Variants in SUFU observed in about 807,000 individuals in gnomAD.
The protein encoded by SUFU is suppressor of fused homolog.
Under a neutral mutation model 58.9 loss-of-function variants are expected in SUFU, and 7 were observed. The ratio of observed to expected loss-of-function variants is 0.12; its 90% CI spans 0.07 to 0.22. SUFU has a LOEUF of 0.22. Ranked by LOEUF, SUFU falls within the 10% of genes least tolerant of loss-of-function variation. The probability of loss-of-function intolerance (pLI) is 1.00; values close to 1 mark genes in which losing one functional copy is unlikely to be tolerated. For synonymous variants in SUFU, 232 were observed against 254.8 expected, an observed-to-expected ratio of 0.91 and a Z score of 0.85; for missense variants, 451 against 641.3, an observed-to-expected ratio of 0.70 and a Z score of 3.20.
chr10:102,555,843 C>T (rs2062969933), intron 3 of SUFU, among the ~76,000 whole-genome samples: 1 of 152,188 alleles, frequency 6.6e-6, no homozygotes, highest in Admixed American at 6.5e-5. Flanking sequence ...ACAAGAGTTA[C>T]ATGCATATGT....
chr10:102,575,898 C>T (rs146107086), intron 3 of SUFU, among the ~76,000 whole-genome samples: 38 of 152,092 alleles, frequency 2.5e-4, no homozygotes, highest in African/African-American at 8.9e-4. Context: ...AGTGCAGAGG[C>T]GTGATCTTGG....
At chr10:102,536,113 C>T (rs996173495) in intron 2 of SUFU, among the ~76,000 whole-genome samples, 2 of 152,032 alleles carry the variant, frequency 1.3e-5, no homozygotes, top group South Asian at 2.1e-4. Flanking sequence ...GGACTACAGG[C>T]GCCCACCAAC....
chr10:102,511,722 G>T (rs1241169861), intron 2 of SUFU, among the ~76,000 whole-genome samples: 2 of 151,776 alleles, frequency 1.3e-5, no homozygotes, highest in Admixed American at 6.6e-5. Context: ...TTTTTGTTTT[G>T]TTTTTTGAGA....
intron 1 of SUFU, among the ~76,000 whole-genome samples, chr10:102,504,876 G>T (rs1455779560): frequency 1.3e-5 from 2 of 152,040 alleles, no homozygotes; most frequent in Non-Finnish European, 2.9e-5. Context: ...GAGAGAGGAG[G>T]AGGTCTCCTT....
intron 3 of SUFU, among the ~76,000 whole-genome samples, chr10:102,568,864 A>C (rs2063120861): frequency 9.1e-6 from 1 of 110,342 alleles, no homozygotes. Flanking sequence ...ACAAGAGCAA[A>C]ACTCTGTCTC....
chr10:102,558,668 TGGA>T (rs2135766392), intron 3 of SUFU, among the ~76,000 whole-genome samples: 1 of 152,254 alleles, frequency 6.6e-6, no homozygotes, highest in South Asian at 2.1e-4. Context: ...TCCAAGCACA[TGGA>T]ATAGGAGGGA....
At chr10:102,593,525 T>A in intron 4 of SUFU, 111 bp from the exon 5 acceptor site, 2 of 1,059,952 alleles carry the variant, frequency 1.9e-6, no homozygotes, top group Non-Finnish European at 3.0e-6. Context: ...TGAGCACAGA[T>A]CCTGCCTGTG....
At chr10:102,613,666 G>A (rs1426741149) in intron 8 of SUFU, among the ~76,000 whole-genome samples, 1 of 152,222 alleles carries the variant, frequency 6.6e-6, no homozygotes, top group Non-Finnish European at 1.5e-5. Context: ...GGACACTTGG[G>A]GAATTGTTCT....
rs1188095530 is a variant in SUFU, at chr10:102,632,470, C to T, written c.*2315C>T. ...GCAGGACAGGGTATCACACATTTCT[C>T]ACCAGGCCTCCTTTCCTATGGGCAT... On this transcript the variant is annotated 3_prime_UTR_variant, in exon 12 of 12. Transcript: ENST00000369902. The T allele has an allele frequency of 1.3e-5, 3 of 233,238 alleles. No homozygotes were observed. The highest frequency in any genetic ancestry group is 2.2e-5 in the African/African-American group (1 of 45,348). 14.4% of individuals were successfully genotyped at this position (233,238 alleles called of 1,614,324 possible). A position where few individuals can be genotyped will look rare whatever the true frequency, so the allele number is the denominator to read the frequency against.
At chr10:102,592,034 T>A (rs2063407760) in intron 3 of SUFU, among the ~76,000 whole-genome samples, 1 of 152,200 alleles carries the variant, frequency 6.6e-6, no homozygotes, top group Non-Finnish European at 1.5e-5. Context: ...TGAAGCCTAG[T>A]GTTCCTCAGG....
At chr10:102,580,027 G>T (rs866471180) in intron 3 of SUFU, among the ~76,000 whole-genome samples, 2 of 41,954 alleles carry the variant, frequency 4.8e-5, no homozygotes, top group Non-Finnish European at 4.9e-5. Context: ...CTCCTCCCCC[G>T]CACCCCCCCC....
chr10:102,568,130 T>C (rs1030809551), intron 3 of SUFU, among the ~76,000 whole-genome samples: 1 of 151,448 alleles, frequency 6.6e-6, no homozygotes, highest in African/African-American at 2.4e-5. Flanking sequence ...AAAAGGACAT[T>C]AAAAAAATCC....
intron 3 of SUFU, among the ~76,000 whole-genome samples, chr10:102,576,979 G>A (rs2063218034): frequency 6.6e-6 from 1 of 152,020 alleles, no homozygotes; most frequent in East Asian, 1.9e-4. Context: ...GGGATTGCAG[G>A]TGTGAATCAC....
chr10:102,540,281 C>A (rs1236470335), intron 2 of SUFU, among the ~76,000 whole-genome samples: 1 of 152,156 alleles, frequency 6.6e-6, no homozygotes, highest in Non-Finnish European at 1.5e-5. Flanking sequence ...TGCACATATA[C>A]ACATACCACT....
In SUFU at chr10:102,631,661, A is replaced by G. The variant is rs2063838258; in HGVS notation, c.*1506A>G. Reference sequence around the variant, plus strand: ...TGCCACAGGAGTGCCCACAGGGTGCAGGACTCCACTGATGAGAGATCCAGC... The same window carrying G: ...TGCCACAGGAGTGCCCACAGGGTGCGGGACTCCACTGATGAGAGATCCAGC... On this transcript the variant is annotated 3_prime_UTR_variant, in exon 12 of 12. Coordinates refer to ENST00000369902, the MANE Select transcript of SUFU (RefSeq NM_016169.4). 4 of 233,296 alleles carry G rather than the reference A, an allele frequency of 1.7e-5. No homozygotes were observed. Among genetic ancestry groups the G allele is most frequent in the Non-Finnish European group, 3.4e-5 (4 of 118,164 alleles). 14.5% of individuals were successfully genotyped at this position (233,296 alleles called of 1,614,324 possible).
chr10:102,632,916 C>G lies in SUFU; in HGVS notation c.*2761C>G, dbSNP rs921325792. ...GGTTTGGGAGGCTTGTGCGAGGTCT[C>G]AGGCCTGTGTGGGGAGCTGGTGCCT... is the stretch of plus-strand genomic sequence containing the variant. On this transcript the variant is annotated 3_prime_UTR_variant, in exon 12 of 12. Transcript: ENST00000369902. 4.3e-6 allele frequency: 1 copy of G among 233,626 alleles called. No homozygotes were observed. The highest frequency in any genetic ancestry group is 8.5e-6 in the Non-Finnish European group (1 of 118,330). 14.5% of individuals were successfully genotyped at this position (233,626 alleles called of 1,614,324 possible).
At chr10:102,613,264 C>T (rs576277351) in intron 8 of SUFU, among the ~76,000 whole-genome samples, 87 of 152,356 alleles carry the variant, frequency 5.7e-4, no homozygotes, top group Non-Finnish European at 1.0e-3. Flanking sequence ...ACAGGTCTTG[C>T]GCAAAGGCGA....
In SUFU at chr10:102,629,927, CA is replaced by C; in HGVS notation, c.1366-138del. 1.2e-6 allele frequency: 1 copy of C among 824,772 alleles called. No homozygotes were observed. The highest frequency in any genetic ancestry group is 1.7e-5 in the Admixed American group (1 of 58,618). The allele number at this position is 824,772 out of a possible 1,614,324, so 51.1% of individuals were successfully genotyped here. A position where few individuals can be genotyped will look rare whatever the true frequency, so the allele number is the denominator to read the frequency against. On this transcript the variant is annotated intron_variant, in intron 11 of 11. Coordinates refer to ENST00000369902, the MANE Select transcript of SUFU (RefSeq NM_016169.4). This position sits in a 1 kb window ranked among gnomAD's most constrained non-coding sequence, Gnocchi z 4.7. ...AGCCCAGCCTGCCACCTGGGTCTAG[CA>C]TTTGAGAATGAAGCCACGCCTCCCG...
At chr10:102,540,226 C>T (rs2062783129) in intron 2 of SUFU, among the ~76,000 whole-genome samples, 1 of 152,256 alleles carries the variant, frequency 6.6e-6, no homozygotes, top group Non-Finnish European at 1.5e-5. Flanking sequence ...TATCATTGCT[C>T]TTGGAGTGTC....
Sources: gnomAD v4.1 joint callset for allele counts (sites outside exome capture counted in the v4.1 genomes callset) on GRCh38, gnomAD v4.1.1 for gene constraint, Gnocchi (gnomAD v3.1) non-coding constraint, MANE v1.5 for transcripts, NCBI Gene and HGNC (gene_info 2026-07-23, HGNC 2026-07-21) for gene names.